NEXMIF: variants seen among roughly 807,000 people sequenced by gnomAD.
NEXMIF encodes XLMR protein related to neurite extension.
A neutral mutation model predicts 62.1 loss-of-function variants in NEXMIF; 8 were observed. The ratio of observed to expected loss-of-function variants is 0.13; its 90% CI spans 0.08 to 0.23. The LOEUF is 0.23. Among genes scored for constraint, NEXMIF ranks in the 10% least tolerant of loss-of-function variants. The probability of loss-of-function intolerance (pLI) is 1.00; values close to 1 mark genes in which losing one functional copy is unlikely to be tolerated. For missense variants in NEXMIF, 976 were observed against 1,113.3 expected, an observed-to-expected ratio of 0.88 and a Z score of 1.75; for synonymous variants, 404 against 416.6, an observed-to-expected ratio of 0.97 and a Z score of 0.37.
chrX:74,790,314 T>C (rs1304520264), intron 1 of NEXMIF, among the ~76,000 whole-genome samples: 2 of 112,390 alleles, frequency 1.8e-5, no homozygotes, highest in African/African-American at 6.4e-5. Context: ...CTGAGGGCTC[T>C]GTTCTGTTCC....
At chrX:74,813,321 A>G in intron 1 of NEXMIF, among the ~76,000 whole-genome samples, 1 of 111,621 alleles carries the variant, frequency 9.0e-6, no homozygotes, top group East Asian at 2.8e-4. Flanking sequence ...AGATATACCT[A>G]TATCCAATAT....
intron 1 of NEXMIF, chrX:74,769,629 T>G (rs2080204097): frequency 1.6e-6 from 1 of 616,250 alleles, no homozygotes; most frequent in Non-Finnish European, 2.8e-6. Flanking sequence ...ATATATTCAG[T>G]CACGGTATCC....
chrX:74,845,823 C>T (rs1283965323), intron 1 of NEXMIF, among the ~76,000 whole-genome samples: 1 of 110,483 alleles, frequency 9.1e-6, no homozygotes, highest in African/African-American at 3.3e-5. Context: ...CATGAAGCCC[C>T]CAAGCCCTAA....
At chrX:74,867,649 A>G (rs1417457122) in intron 1 of NEXMIF, among the ~76,000 whole-genome samples, 2 of 112,371 alleles carry the variant, frequency 1.8e-5, no homozygotes, top group South Asian at 3.7e-4. Context: ...TGGACTAAAG[A>G]CTTAAATGTA....
chrX:74,843,337 A>T (rs2080480078), intron 1 of NEXMIF, among the ~76,000 whole-genome samples: 1 of 110,168 alleles, frequency 9.1e-6, no homozygotes, highest in Admixed American at 9.6e-5. Flanking sequence ...ATTTTCATGC[A>T]TCCCTTTATT....
intron 1 of NEXMIF, among the ~76,000 whole-genome samples, chrX:74,893,420 T>C (rs978116899): frequency 3.6e-5 from 4 of 112,285 alleles, no homozygotes; most frequent in Non-Finnish European, 7.5e-5. Context: ...CTCACCTTTT[T>C]TAAAGACTCA....
At chrX:74,812,041 T>C (rs1450815932) in intron 1 of NEXMIF, among the ~76,000 whole-genome samples, 1 of 113,073 alleles carries the variant, frequency 8.8e-6, no homozygotes, top group African/African-American at 3.2e-5. Context: ...CCAGGTTACC[T>C]GAGTTTCACA....
chrX:74,846,646 T>C (rs942110804), intron 1 of NEXMIF, among the ~76,000 whole-genome samples: 4 of 111,938 alleles, frequency 3.6e-5, no homozygotes, highest in African/African-American at 1.3e-4. Flanking sequence ...AGAAGAAGAA[T>C]TAAGAATTAA....
chrX:74,886,848 C>A (rs1429734879), intron 1 of NEXMIF, among the ~76,000 whole-genome samples: 1 of 104,392 alleles, frequency 9.6e-6, no homozygotes, highest in Non-Finnish European at 1.9e-5. Flanking sequence ...CCAAGTCAAT[C>A]CTAAGCCAAA....
intron 1 of NEXMIF, among the ~76,000 whole-genome samples, chrX:74,861,272 A>C (rs1292320492): frequency 8.9e-6 from 1 of 112,001 alleles, no homozygotes; most frequent in Non-Finnish European, 1.9e-5. Flanking sequence ...TGCTGAAATA[A>C]GACAGGCAGG....
Position 74,744,087 on chromosome X carries a change from A to ACTG in NEXMIF, c.467_469dup (p.Ala156dup). 1 of 1,211,861 alleles carries ACTG rather than the reference A, an allele frequency of 8.3e-7. No homozygotes were observed. On this transcript the variant is annotated inframe_insertion, in exon 3 of 4. Coordinates refer to ENST00000055682, the MANE Select transcript of NEXMIF (RefSeq NM_001008537.3). Reference sequence around the variant, plus strand: ...CAGACTGATCCCTGGCTCAGGATCTACTGCATCCTTGGATTCCATGAAGCA... The same window carrying ACTG: ...CAGACTGATCCCTGGCTCAGGATCTACTGCTGCATCCTTGGATTCCATGAAGCA...
chrX:74,856,311 T>C (rs1474905063), intron 1 of NEXMIF, among the ~76,000 whole-genome samples: 1 of 111,750 alleles, frequency 8.9e-6, no homozygotes, highest in Admixed American at 9.5e-5. Context: ...GCAAGATGAC[T>C]GCACATTTCA....
intron 1 of NEXMIF, chrX:74,769,772 A>T (rs2080204500): frequency 3.6e-6 from 2 of 550,279 alleles, no homozygotes; most frequent in African/African-American, 2.3e-5. Context: ...GAGATTGTAT[A>T]TGAAAAGGAC....
intron 1 of NEXMIF, among the ~76,000 whole-genome samples, chrX:74,847,252 G>A (rs1031290826): frequency 1.8e-5 from 2 of 112,257 alleles, no homozygotes; most frequent in African/African-American, 6.5e-5. Flanking sequence ...TTCAGACTGG[G>A]AAGTAGGTCC....
At chrX:74,756,554 T>A (rs1365746392) in intron 1 of NEXMIF, among the ~76,000 whole-genome samples, 1 of 111,255 alleles carries the variant, frequency 9.0e-6, no homozygotes, top group Non-Finnish European at 1.9e-5. Flanking sequence ...GATACAGGGC[T>A]AAGAAGAGTG....
chrX:74,807,008 CATT>C (rs1259177629), intron 1 of NEXMIF, among the ~76,000 whole-genome samples: 1 of 112,235 alleles, frequency 8.9e-6, no homozygotes, highest in African/African-American at 3.2e-5. Context: ...TCCTCTTCAA[CATT>C]ATGTTGGATA....
chrX:74,886,124 A>C (rs2080691768), intron 1 of NEXMIF, among the ~76,000 whole-genome samples: 1 of 111,909 alleles, frequency 8.9e-6, no homozygotes, highest in African/African-American at 3.2e-5. Context: ...ACTCTCAATA[A>C]ATTAGGTATT....
Position 74,739,463 on chromosome X carries a change from G to T in NEXMIF, c.4493C>A (p.Thr1498Asn), listed in dbSNP as rs145525836. 3.8e-5 allele frequency: 45 copies of T among 1,197,541 alleles called. No homozygotes were observed. The highest frequency in any genetic ancestry group is 5.1e-5 in the Non-Finnish European group (45 of 890,033). ...TTCAAACACAGGTAAAACCCAAAAG[G>T]TTGTTTCTGCTTTTAGGAGATTGTA... ...SDYNLLKAET[T>N]FWVLPVFEEE... Residue 1498 changes from threonine to asparagine, a missense_variant, in exon 4 of 4, where the codon ACC becomes AAC. By Grantham distance (65) the Thr-to-Asn change is moderately conservative (BLOSUM62 0). This residue lies in a region of NEXMIF where 137 missense variants were observed against 128.9 expected (regional missense o/e 1.06). Coordinates refer to ENST00000055682, the MANE Select transcript of NEXMIF (RefSeq NM_001008537.3).
intron 1 of NEXMIF, among the ~76,000 whole-genome samples, chrX:74,880,827 T>C (rs1219821587): frequency 8.9e-6 from 1 of 112,126 alleles, no homozygotes; most frequent in Non-Finnish European, 1.9e-5. Flanking sequence ...GTACTTCTTC[T>C]TCCCATATAC....
Sources: gnomAD v4.1 joint callset for allele counts (sites outside exome capture counted in the v4.1 genomes callset) on GRCh38, gnomAD v4.1.1 for gene constraint, gnomAD v4.1.1 regional missense constraint, MANE v1.5 for transcripts, NCBI Gene and HGNC (gene_info 2026-07-23, HGNC 2026-07-21) for gene names.